The following KLF12 variants were observed in gnomAD, a reference collection of about 807,000 sequenced individuals.
The protein encoded by KLF12 is Krueppel-like factor 12.
In KLF12, 9 loss-of-function variants were observed where a neutral mutation model predicts 37.8. The observed-to-expected ratio is 0.24, with a 90% CI of 0.14 to 0.42. KLF12 has a LOEUF of 0.42. Ranked by LOEUF, KLF12 falls within the 10% of genes least tolerant of loss-of-function variation. The pLI is 1.00. For missense variants in KLF12, 411 were observed against 516.0 expected, an observed-to-expected ratio of 0.80 and a Z score of 1.97; for synonymous variants, 208 against 202.1, an observed-to-expected ratio of 1.03 and a Z score of -0.25.
chr13:73,812,696 A>C (rs1998572), intron 5 of KLF12, among the ~76,000 whole-genome samples: 68,985 of 151,898 alleles, frequency 0.45, 16,479 homozygotes, highest in East Asian at 0.52. Context: ...ATTTAAAAAT[A>C]ACATATGAGT....
chr13:73,987,039 T>A (rs2138216737), intron 2 of KLF12, among the ~76,000 whole-genome samples: 1 of 152,328 alleles, frequency 6.6e-6, no homozygotes. Context: ...TCATATTAAG[T>A]GTCTTGCTCT....
intron 4 of KLF12, among the ~76,000 whole-genome samples, chr13:73,814,149 C>T (rs73216764): frequency 0.085 from 12,984 of 152,264 alleles, 704 homozygotes; most frequent in Non-Finnish European, 0.13. Context: ...GCCCTCGCTT[C>T]ACGCACAAAC....
chr13:73,896,449 T>C (rs1398982838), intron 3 of KLF12, among the ~76,000 whole-genome samples: 1 of 152,162 alleles, frequency 6.6e-6, no homozygotes, highest in Non-Finnish European at 1.5e-5. Context: ...GGATGATGGA[T>C]GAACCCTGCT....
At chr13:74,245,325 C>T in the KLF12 span, among the ~76,000 whole-genome samples, 7 of 151,290 alleles carry the variant, frequency 4.6e-5, no homozygotes, top group African/African-American at 1.7e-4. Context: ...ATCTATCTAT[C>T]TATCTATCTA....
the KLF12 span, among the ~76,000 whole-genome samples, chr13:74,296,856 C>G: frequency 6.6e-6 from 1 of 152,212 alleles, no homozygotes; most frequent in East Asian, 1.9e-4. Flanking sequence ...AACAGACTGT[C>G]CAGGTATTTT....
At chr13:73,796,269 C>A (rs1483482030) in intron 5 of KLF12, among the ~76,000 whole-genome samples, 8 of 152,170 alleles carry the variant, frequency 5.3e-5, no homozygotes, top group Admixed American at 5.2e-4. Context: ...TAGGTTCCTA[C>A]TCCGTTAGCA....
the KLF12 span, among the ~76,000 whole-genome samples, chr13:74,187,930 A>G: frequency 1.3e-5 from 2 of 152,194 alleles, no homozygotes; most frequent in African/African-American, 4.8e-5. Flanking sequence ...ATAGTTATTT[A>G]ACATTGTTCA....
chr13:73,760,307 T>A (rs184792492), intron 6 of KLF12, among the ~76,000 whole-genome samples: 154 of 152,202 alleles, frequency 1.0e-3, no homozygotes, highest in South Asian at 4.2e-3. Flanking sequence ...TACTTCTATT[T>A]TACTAATGAC....
At chr13:74,083,370 G>A in intron 1 of KLF12, among the ~76,000 whole-genome samples, 1 of 152,030 alleles carries the variant, frequency 6.6e-6, no homozygotes, top group Non-Finnish European at 1.5e-5. Context: ...GCCCAGGTAT[G>A]GTGACGCGTG....
chr13:74,271,336 TA>T, the KLF12 span, among the ~76,000 whole-genome samples: 1 of 152,206 alleles, frequency 6.6e-6, no homozygotes, highest in Non-Finnish European at 1.5e-5. Context: ...CAACTATGCT[TA>T]AGCATTAGTA....
chr13:74,020,412 GGT>G (rs1402682298), intron 1 of KLF12, among the ~76,000 whole-genome samples: 1 of 152,102 alleles, frequency 6.6e-6, no homozygotes, highest in Non-Finnish European at 1.5e-5. Context: ...TCTCACTCAA[GGT>G]CTTAGCACGA....
chr13:74,192,026 C>T, the KLF12 span, among the ~76,000 whole-genome samples: 5 of 151,972 alleles, frequency 3.3e-5, no homozygotes, highest in African/African-American at 4.8e-5. Flanking sequence ...GTTTATGGCT[C>T]ATACCTCAAC....
At chr13:74,289,907 C>T in the KLF12 span, among the ~76,000 whole-genome samples, 1 of 152,148 alleles carries the variant, frequency 6.6e-6, no homozygotes, top group Admixed American at 6.5e-5. Flanking sequence ...TAAGTTAAAA[C>T]AAAATCCTAA....
intron 3 of KLF12, among the ~76,000 whole-genome samples, chr13:73,862,480 C>CTAACTATT (rs1594184219): frequency 6.6e-6 from 1 of 152,080 alleles, no homozygotes. Flanking sequence ...ACTATTAATG[C>CTAACTATT]AATACTAACT....
chr13:74,110,898 T>C (rs1364786474), intron 1 of KLF12, among the ~76,000 whole-genome samples: 7 of 152,090 alleles, frequency 4.6e-5, no homozygotes, highest in Non-Finnish European at 1.0e-4. Flanking sequence ...ACTTCAATAA[T>C]ATAAGTTACA....
chr13:73,955,050 G>T (rs1463717427), intron 2 of KLF12, among the ~76,000 whole-genome samples: 1 of 151,996 alleles, frequency 6.6e-6, no homozygotes, highest in Non-Finnish European at 1.5e-5. Flanking sequence ...CTTTCTTCTG[G>T]TTTCAGTTTT....
chr13:73,993,947 A>G (rs746230387), intron 2 of KLF12, among the ~76,000 whole-genome samples: 42 of 152,350 alleles, frequency 2.8e-4, no homozygotes, highest in Non-Finnish European at 3.7e-4. Context: ...ATCCTCACTA[A>G]GTGAATGCAC....
the KLF12 span, among the ~76,000 whole-genome samples, chr13:74,178,388 T>C: frequency 6.6e-6 from 1 of 152,332 alleles, no homozygotes; most frequent in East Asian, 1.9e-4. Flanking sequence ...TGGGTTCTTT[T>C]AAAAATGGTT....
intron 1 of KLF12, among the ~76,000 whole-genome samples, chr13:74,013,941 A>G (rs1383084519): frequency 6.6e-6 from 1 of 151,954 alleles, no homozygotes; most frequent in African/African-American, 2.4e-5. Context: ...CAGCCTTCAG[A>G]GTAGTTGGGA....
Sources: gnomAD v4.1 joint callset for allele counts (sites outside exome capture counted in the v4.1 genomes callset) on GRCh38, gnomAD v4.1.1 for gene constraint, MANE v1.5 for transcripts, NCBI Gene and HGNC (gene_info 2026-07-23, HGNC 2026-07-21) for gene names.